The following CEP89 variants were observed in gnomAD, a reference collection of about 807,000 sequenced individuals.
CEP89 encodes the protein centrosomal protein 89, also known as centrosomal protein of 89 kDa.
In CEP89, 95 loss-of-function variants were observed where a neutral mutation model predicts 97.6. The ratio of observed to expected loss-of-function variants is 0.97; its 90% CI spans 0.82 to 1.15. The LOEUF (loss-of-function observed/expected upper bound fraction) is 1.15. Ranked by LOEUF, CEP89 falls within the 50% of genes most tolerant of loss-of-function variation. CEP89 has a pLI of 0.00. For synonymous variants in CEP89, 354 were observed against 349.1 expected (o/e 1.01, Z -0.16); for missense variants, 869 against 947.7 (o/e 0.92, Z 1.09).
intron 3 of CEP89, among the ~76,000 whole-genome samples, chr19:32,955,862 T>C (rs572236967): frequency 6.6e-6 from 1 of 152,124 alleles, no homozygotes; most frequent in Non-Finnish European, 1.5e-5. Flanking sequence ...TGTGTCTACA[T>C]ACATACTGCA....
intron 5 of CEP89, 99 bp from the exon 6 acceptor site, chr19:32,939,984 G>T: frequency 1.7e-6 from 1 of 600,730 alleles, no homozygotes; most frequent in Non-Finnish European, 3.0e-6. Flanking sequence ...CTACAGAGGA[G>T]CTCGACAAGG....
chr19:32,912,283 T>C (rs867511365), intron 14 of CEP89, among the ~76,000 whole-genome samples: 3 of 152,184 alleles, frequency 2.0e-5, no homozygotes, highest in Admixed American at 6.6e-5. Context: ...GGCTCGGCTA[T>C]GGTGCCCAGT....
At chr19:32,932,483 G>T (rs1970496615) in intron 8 of CEP89, among the ~76,000 whole-genome samples, 1 of 152,072 alleles carries the variant, frequency 6.6e-6, no homozygotes, top group Non-Finnish European at 1.5e-5. Context: ...AGTTAAAAAT[G>T]ACTTAATACC....
intron 5 of CEP89, among the ~76,000 whole-genome samples, chr19:32,944,900 A>G (rs530903210): frequency 1.1e-3 from 161 of 152,294 alleles, no homozygotes; most frequent in African/African-American, 3.6e-3. Flanking sequence ...TGCACTTTAC[A>G]TTGTCACTTC....
intron 3 of CEP89, among the ~76,000 whole-genome samples, chr19:32,955,546 C>T (rs1460651147): frequency 6.6e-6 from 1 of 152,134 alleles, no homozygotes; most frequent in Non-Finnish European, 1.5e-5. Flanking sequence ...TGGAGTCTCG[C>T]TCTGTCACCC....
chr19:32,933,139 T>TAAA (rs1970510488), intron 8 of CEP89, among the ~76,000 whole-genome samples: 1 of 152,238 alleles, frequency 6.6e-6, no homozygotes, highest in South Asian at 2.1e-4. Flanking sequence ...GGAGCTTTTT[T>TAAA]ATGCTTCTCT....
chr19:32,883,065 T>C (rs1282733435), intron 17 of CEP89, among the ~76,000 whole-genome samples: 2 of 151,922 alleles, frequency 1.3e-5, no homozygotes, highest in South Asian at 2.1e-4. Flanking sequence ...GGTTTCACCA[T>C]GTTAGCCAGG....
At chr19:32,895,753 A>C (rs917598996) in intron 16 of CEP89, among the ~76,000 whole-genome samples, 14 of 94,088 alleles carry the variant, frequency 1.5e-4, no homozygotes, top group African/African-American at 5.4e-4. Flanking sequence ...GATCTGATAA[A>C]AAAAAAAAAA....
chr19:32,899,824 C>T (rs1379942653), intron 16 of CEP89, 33 bp downstream of exon 16: 2 of 1,579,722 alleles, frequency 1.3e-6, no homozygotes, highest in African/African-American at 2.7e-5. Context: ...TATTAACTCG[C>T]AGTTTACTTG....
chr19:32,927,117 C>T, intron 9 of CEP89, 133 bp from the exon 10 acceptor site: 1 of 666,046 alleles, frequency 1.5e-6, no homozygotes, highest in East Asian at 2.8e-5. Flanking sequence ...CCTACCCACC[C>T]ACCTACCCAC....
chr19:32,898,403 G>A (rs371720950), intron 16 of CEP89, among the ~76,000 whole-genome samples: 1 of 152,130 alleles, frequency 6.6e-6, no homozygotes, highest in Non-Finnish European at 1.5e-5. Flanking sequence ...GTGTGTTTGT[G>A]GGGGGCTGGG....
At chr19:32,920,196 C>A (rs1400349501) in intron 12 of CEP89, among the ~76,000 whole-genome samples, 2 of 152,074 alleles carry the variant, frequency 1.3e-5, no homozygotes, top group African/African-American at 2.4e-5. Flanking sequence ...TGCCATCACG[C>A]CCAGCTAATT....
chr19:32,952,490 A>T (rs1004607124), intron 4 of CEP89, among the ~76,000 whole-genome samples: 1 of 151,842 alleles, frequency 6.6e-6, no homozygotes, highest in Non-Finnish European at 1.5e-5. Flanking sequence ...TTTAAAAAAA[A>T]AAAAGTGTTT....
At chr19:32,888,078 C>T (rs1969438297) in intron 16 of CEP89, among the ~76,000 whole-genome samples, 1 of 152,172 alleles carries the variant, frequency 6.6e-6, no homozygotes, top group Non-Finnish European at 1.5e-5. Context: ...AATTCCAGCC[C>T]CACAGACCAG....
chr19:32,971,294 G>A (rs1599793299), intron 1 of CEP89: 1 of 413,064 alleles, frequency 2.4e-6, no homozygotes, highest in Non-Finnish European at 4.3e-6. Flanking sequence ...TGCAGCAGGT[G>A]TACGTCGTCC....
At position 32,936,586 on chromosome 19, in the gene CEP89, G is replaced by A. The variant is rs544359645; in HGVS notation, c.667+1045C>T. ...TGGCCACCCATGGACCAATCGGTGC[G>A]CACTTCCTCCCTTCTGAGGCCCATA... On this transcript the variant is annotated intron_variant, in intron 7 of 18. Transcript: ENST00000305768. The surrounding 1 kb of genome is among the most constrained non-coding windows in gnomAD (Gnocchi z 4.5). Among the ~76,000 whole-genome samples, 64 of 152,216 alleles carry A rather than the reference G, an allele frequency of 4.2e-4. No homozygotes were observed. Among genetic ancestry groups the A allele is most frequent in the African/African-American group, 1.3e-3 (56 of 41,536 alleles).
intron 4 of CEP89, among the ~76,000 whole-genome samples, chr19:32,952,615 A>G (rs1053209068): frequency 2.3e-4 from 35 of 152,246 alleles, no homozygotes; most frequent in African/African-American, 7.5e-4. Context: ...TGAAAAAAAG[A>G]AAAAGGGGCT....
At chr19:32,961,275 T>C (rs918079540) in intron 2 of CEP89, among the ~76,000 whole-genome samples, 2 of 151,652 alleles carry the variant, frequency 1.3e-5, no homozygotes, top group African/African-American at 4.8e-5. Flanking sequence ...TAACAAATCA[T>C]ATAAGAAAGA....
chr19:32,962,035 C>T (rs1037582494), intron 2 of CEP89, among the ~76,000 whole-genome samples: 3 of 140,706 alleles, frequency 2.1e-5, no homozygotes, highest in African/African-American at 8.0e-5. Context: ...CTGGAAAAAT[C>T]AAATTTCCAT....
Sources: allele counts gnomAD v4.1 joint callset (sites outside exome capture counted in the v4.1 genomes callset), GRCh38; gene constraint gnomAD v4.1.1; non-coding constraint Gnocchi (gnomAD v3.1); transcripts MANE v1.5; gene names NCBI Gene and HGNC (gene_info 2026-07-23, HGNC 2026-07-21).